The following PRKDC variants were observed in gnomAD, a reference collection of about 807,000 sequenced individuals.
The protein encoded by PRKDC is DNA-dependent protein kinase catalytic subunit.
A neutral mutation model predicts 486.9 loss-of-function variants in PRKDC; 82 were observed. That is an observed-to-expected ratio of 0.17 (90% CI 0.14 to 0.20). The LOEUF is 0.20. Ranked by LOEUF, PRKDC falls within the 10% of genes least tolerant of loss-of-function variation. The pLI, the probability that PRKDC is intolerant of heterozygous loss-of-function variation, is 1.00. For missense variants in PRKDC, 4,504 were observed against 5,038.2 expected (o/e 0.89, Z 3.21); for synonymous variants, 1,895 against 1,837.0 (o/e 1.03, Z -0.81).
In PRKDC at chr8:47,803,425, G is replaced by C; in HGVS notation, c.9803C>G (p.Thr3268Ser). ...CCAGCTCACCAGCCAATCGTCTCTGGTTTTTGACTCTTTATGCAGCTCCTT... is the reference window on the plus strand; with the variant it reads ...CCAGCTCACCAGCCAATCGTCTCTGCTTTTTGACTCTTTATGCAGCTCCTT... ...LLKELHKESKTRDDWLVSWVQ... is the reference protein window; with the variant it reads ...LLKELHKESKSRDDWLVSWVQ... Residue 3268 changes from threonine (T) to serine (S), a missense_variant, in exon 70 of 86, where the codon ACC becomes AGC. Transcript: ENST00000314191. 1 of 1,614,010 alleles carries C rather than the reference G, an allele frequency of 6.2e-7. No homozygotes were observed. The highest frequency in any genetic ancestry group is 8.5e-7 in the Non-Finnish European group (1 of 1,179,892).
chr8:47,926,916 A>G, intron 21 of PRKDC: 1 of 295,226 alleles, frequency 3.4e-6, no homozygotes. Context: ...AGGAGTCATA[A>G]AAATTTCAAG....
At chr8:47,926,626 C>T (rs2090161587) in intron 21 of PRKDC, among the ~76,000 whole-genome samples, 2 of 152,138 alleles carry the variant, frequency 1.3e-5, no homozygotes, top group Admixed American at 6.6e-5. Context: ...TAAGTCTGTG[C>T]CCCACCCCAA....
intron 51 of PRKDC, among the ~76,000 whole-genome samples, chr8:47,852,996 G>C (rs1176696941): frequency 2.0e-5 from 3 of 152,328 alleles, no homozygotes; most frequent in South Asian, 4.1e-4. Flanking sequence ...AGGGCAGTCT[G>C]CTGTCCCATC....
intron 68 of PRKDC, among the ~76,000 whole-genome samples, chr8:47,811,689 T>C (rs1195712688): frequency 1.3e-5 from 2 of 151,832 alleles, no homozygotes; most frequent in African/African-American, 4.8e-5. Flanking sequence ...ATAAAAGGAG[T>C]ATTTTGGCAG....
At chr8:47,797,213 G>T (rs2087001525) in intron 73 of PRKDC, among the ~76,000 whole-genome samples, 1 of 152,144 alleles carries the variant, frequency 6.6e-6, no homozygotes, top group African/African-American at 2.4e-5. Flanking sequence ...CGTGTCTACT[G>T]GGTGTTTTGA....
intron 78 of PRKDC, among the ~76,000 whole-genome samples, chr8:47,783,459 G>A (rs185714450): frequency 4.6e-5 from 7 of 151,692 alleles, no homozygotes; most frequent in Non-Finnish European, 8.8e-5. Flanking sequence ...GCGTGATGGC[G>A]TGCGCCTGTA....
At chr8:47,943,537 A>T (rs1212037300) in intron 9 of PRKDC, among the ~76,000 whole-genome samples, 171 bp from the exon 10 acceptor site, 1 of 152,240 alleles carries the variant, frequency 6.6e-6, no homozygotes, top group Non-Finnish European at 1.5e-5. Context: ...ACCAATTAAC[A>T]GGCCCATAAC....
In PRKDC at chr8:47,854,091, C is replaced by T. The variant is rs770950481; in HGVS notation, c.6885G>A (p.Gln2295=). The stretch of plus-strand genomic sequence containing the variant: ...ATCAAGCAAACACGTACTCGCTACT[C>T]TGGATGCCACACTGTGGGTCATAGG... ...LPPYDPQCGI[Q]SSEYFQALVN... The change falls in exon 51 of 86, where the codon CAG becomes CAA. Residue 2295 remains glutamine, a synonymous_variant. Coordinates refer to ENST00000314191, the MANE Select transcript of PRKDC (RefSeq NM_006904.7). 6.2e-7 allele frequency: 1 copy of T among 1,613,880 alleles called. No homozygotes were observed. Among genetic ancestry groups the T allele is most frequent in the Non-Finnish European group, 8.5e-7 (1 of 1,179,836 alleles).
intron 11 of PRKDC, among the ~76,000 whole-genome samples, chr8:47,938,810 C>T (rs1037891041): frequency 3.9e-5 from 6 of 152,200 alleles, no homozygotes; most frequent in Admixed American, 3.3e-4. Flanking sequence ...AATCTGCCCG[C>T]CTCGGCCTCC....
rs113909409 is a variant in PRKDC at position 47,903,934 on chromosome 8, G to C, written c.3042+935C>G. ...GGTTTAATTATGTCACCACCCTAAC[G>C]AATGTTCAGTCACTCTCCCCTACCC... On this transcript the variant is annotated intron_variant, in intron 26 of 85. Coordinates refer to ENST00000314191, the MANE Select transcript of PRKDC (RefSeq NM_006904.7). Among the ~76,000 whole-genome samples the C allele has an allele frequency of 6.3e-3, 961 of 152,164 alleles. 13 individuals are homozygous for C. The highest frequency in any genetic ancestry group is 0.022 in the African/African-American group (923 of 41,492).
Position 47,862,361 on chromosome 8 carries a change from G to C in PRKDC, c.5919+12C>G. On this transcript the variant is annotated intron_variant, in intron 43 of 85. Coordinates refer to ENST00000314191, the MANE Select transcript of PRKDC (RefSeq NM_006904.7). ...TACAATAACAATAGTGCACACCGTA[G>C]GAGTGGCCTACCTTTTCTGGTTTTT... 6.2e-7 allele frequency: 1 copy of C among 1,610,852 alleles called. No individual in the cohort carries two copies. Among genetic ancestry groups the C allele is most frequent in the Non-Finnish European group, 8.5e-7 (1 of 1,177,176 alleles).
In PRKDC at chr8:47,943,229, G is replaced by C; in HGVS notation, c.946C>G (p.Leu316Val). 1.2e-6 allele frequency: 2 copies of C among 1,613,034 alleles called. No homozygotes were observed. The highest frequency in any genetic ancestry group is 2.2e-5 in the South Asian group (2 of 90,686). ...VELKKAALSA[L>V]ESFLKQVSNM... ...GGTACCTGTTTCAGAAAGGATTCCA[G>C]GGCTGAAAGTGCAGCTTTTTTCAAT... is the stretch of plus-strand genomic sequence containing the variant. Residue 316 changes from leucine (L) to valine (V), a missense_variant, in exon 10 of 86, where the codon CTG becomes GTG. By Grantham distance (32) the Leu-to-Val change is conservative. This residue lies in a region of PRKDC where 1,969 missense variants were observed against 2,068.9 expected (regional missense o/e 0.95). Coordinates refer to ENST00000314191, the MANE Select transcript of PRKDC (RefSeq NM_006904.7).
intron 22 of PRKDC, among the ~76,000 whole-genome samples, chr8:47,916,857 G>A (rs1422797005): frequency 1.3e-5 from 2 of 152,274 alleles, no homozygotes; most frequent in Non-Finnish European, 2.9e-5. Flanking sequence ...TCATAATACC[G>A]TGGTGCAAAT....
At position 47,852,735 on chromosome 8, in the gene PRKDC, C is replaced by A; in HGVS notation, c.6943G>T (p.Val2315Leu). The change falls in exon 52 of 86, where the codon GTG (valine) becomes TTG (leucine). Residue 2315 changes from valine (V) to leucine (L), a missense_variant. Transcript: ENST00000314191. ...AGAACTTCTGCTGCAGCGGCATACA[C>A]TTCTTTATATCTTACAAAGGACATA... ...NNMSFVRYKE[V>L]YAAAAEVLGL... The A allele has an allele frequency of 6.3e-7, 1 of 1,580,708 alleles. No homozygotes were observed. The highest frequency in any genetic ancestry group is 8.6e-7 in the Non-Finnish European group (1 of 1,161,630).
chr8:47,782,402 T>C lies in PRKDC; in HGVS notation c.11372A>G (p.Tyr3791Cys), dbSNP rs774053496. 1.9e-6 allele frequency: 3 copies of C among 1,604,140 alleles called. No individual in the cohort carries two copies. The highest frequency in any genetic ancestry group is 2.7e-5 in the African/African-American group (2 of 74,810). Residue 3791 changes from tyrosine to cysteine, a missense_variant, in exon 79 of 86, where the codon TAT becomes TGT. Transcript: ENST00000314191. This position sits in a 1 kb window ranked among gnomAD's most constrained non-coding sequence, Gnocchi z 4.9. The stretch of plus-strand genomic sequence containing the variant: ...CCTGGAGGTCATGGGCACAACGCTA[T>C]AGGTCCTCAGCTGCAGGGCCCTCTG... ...CSQRALQLRT[Y>C]SVVPMTSRLG...
Position 47,927,236 on chromosome 8 carries a change from G to A in PRKDC, c.2377C>T (p.Leu793Phe), listed in dbSNP as rs1273568872. ...HVMQPYYKDILPCLDGYLKTS... is the reference protein window; with the variant it reads ...HVMQPYYKDIFPCLDGYLKTS... ...TTCAGGTATCCATCCAGGCAGGGGA[G>A]AATGTCTTTGTAATAAGGCTGCATT... is the stretch of plus-strand genomic sequence containing the variant. The change falls in exon 21 of 86, where the codon CTC (leucine) becomes TTC (phenylalanine). Residue 793 changes from leucine (L) to phenylalanine (F), a missense_variant. Leu to Phe is a conservative substitution (Grantham distance 22). This residue lies in a region of PRKDC where 1,969 missense variants were observed against 2,068.9 expected (regional missense o/e 0.95). Coordinates refer to ENST00000314191, the MANE Select transcript of PRKDC (RefSeq NM_006904.7). 1 of 1,613,816 alleles carries A rather than the reference G, an allele frequency of 6.2e-7. No homozygotes were observed. Among genetic ancestry groups the A allele is most frequent in the East Asian group, 2.2e-5 (1 of 44,874 alleles).
At chr8:47,844,959 C>T (rs2088234516) in intron 54 of PRKDC, among the ~76,000 whole-genome samples, 2 of 152,068 alleles carry the variant, frequency 1.3e-5, no homozygotes, top group South Asian at 4.2e-4. Flanking sequence ...GAGGCTGATG[C>T]CTGTACCCAC....
intron 63 of PRKDC, 40 bp from the exon 64 acceptor site, chr8:47,824,036 C>A: frequency 6.8e-7 from 1 of 1,470,258 alleles, no homozygotes; most frequent in South Asian, 1.5e-5. Flanking sequence ...ATGAACACTC[C>A]AGTATTTTAA....
chr8:47,918,739 C>T (rs967110341), intron 21 of PRKDC, among the ~76,000 whole-genome samples: 11 of 152,078 alleles, frequency 7.2e-5, no homozygotes, highest in South Asian at 2.1e-4. Flanking sequence ...AATAAGAATC[C>T]ACAAATCTTA....
Sources: gnomAD v4.1 joint callset for allele counts (sites outside exome capture counted in the v4.1 genomes callset) on GRCh38, gnomAD v4.1.1 for gene constraint, gnomAD v4.1.1 regional missense constraint, Gnocchi (gnomAD v3.1) non-coding constraint, MANE v1.5 for transcripts, NCBI Gene and HGNC (gene_info 2026-07-23, HGNC 2026-07-21) for gene names.